Variants in CSNK1G3 observed in about 807,000 individuals in gnomAD.
CSNK1G3 encodes casein kinase 1 gamma 3, also known as casein kinase I isoform gamma-3.
A neutral mutation model predicts 64.3 loss-of-function variants in CSNK1G3; 23 were observed. The observed-to-expected ratio is 0.36, with a 90% confidence interval of 0.26 to 0.51. The LOEUF (loss-of-function observed/expected upper bound fraction) is 0.51, where lower values mean the gene tolerates loss of function less well. CSNK1G3 is among the 20% of genes least tolerant of loss of function. The pLI is 0.96. For synonymous variants in CSNK1G3, 158 were observed against 162.2 expected (o/e 0.97, Z 0.20); for missense variants, 357 against 510.5 (o/e 0.70, Z 2.90).
intron 4 of CSNK1G3, among the ~76,000 whole-genome samples, chr5:123,570,844 A>G (rs537462755): frequency 9.8e-5 from 15 of 152,342 alleles, no homozygotes; most frequent in Admixed American, 3.3e-4. Context: ...GAGAGGGGGA[A>G]AAAGCATTAT....
In CSNK1G3 at chr5:123,597,004, ATAAAT is replaced by A. The variant is rs1039858797; in HGVS notation, c.1086+5595_1086+5599del. ...CTTGTGTAATTGGACTAATGAAATT[ATAAAT>A]TAAAACGTAATAAGAGCAAAGAAAA... On this transcript the variant is annotated intron_variant, in intron 10 of 12. Coordinates refer to ENST00000345990, the Ensembl canonical transcript of CSNK1G3. Among the ~76,000 whole-genome samples, 237 of 148,444 alleles carry A rather than the reference ATAAAT, an allele frequency of 1.6e-3. 2 individuals carry two copies. Among genetic ancestry groups the A allele is most frequent in the African/African-American group, 5.8e-3 (231 of 39,840 alleles).
chr5:123,570,656 G>A (rs1324572377), intron 4 of CSNK1G3, among the ~76,000 whole-genome samples: 4 of 152,018 alleles, frequency 2.6e-5, no homozygotes, highest in Admixed American at 6.6e-5. Context: ...GCGCCCAGCC[G>A]ACAGTCCTTT....
Position 123,594,908 on chromosome 5 carries a change from C to G in CSNK1G3, c.1086+3494C>G, listed in dbSNP as rs1014309310. 1.7e-5 allele frequency: 11 copies of G among 649,448 alleles called. No individual in the cohort carries two copies. The African/African-American group carries it at 2.1e-4, about 12-fold the overall frequency. 40.2% of individuals were successfully genotyped at this position (649,448 alleles called of 1,614,324 possible). On this transcript the variant is annotated intron_variant, in intron 10 of 12. Coordinates refer to ENST00000345990, the Ensembl canonical transcript of CSNK1G3. ...ATTCTGTATACAAAGATAACTGCACCATGATTCAGAATAGTAAGGGTATTT... is the reference window on the plus strand; with the variant it reads ...ATTCTGTATACAAAGATAACTGCACGATGATTCAGAATAGTAAGGGTATTT...
chr5:123,538,666 C>G (rs561263727), intron 1 of CSNK1G3, among the ~76,000 whole-genome samples: 1 of 152,046 alleles, frequency 6.6e-6, no homozygotes, highest in African/African-American at 2.4e-5. Context: ...ACCACCATGG[C>G]GCATGTATAC....
intron 10 of CSNK1G3, among the ~76,000 whole-genome samples, chr5:123,593,730 C>T (rs1792878645): frequency 6.6e-6 from 1 of 152,044 alleles, no homozygotes; most frequent in Admixed American, 6.6e-5. Flanking sequence ...ATAGAACTGT[C>T]ATAGTTTTGA....
chr5:123,552,326 A>T (rs1297192748), intron 2 of CSNK1G3, among the ~76,000 whole-genome samples: 1 of 151,886 alleles, frequency 6.6e-6, no homozygotes, highest in African/African-American at 2.4e-5. Flanking sequence ...TTGTATTTTT[A>T]GTAGAGACAG....
At chr5:123,590,030 T>A (rs915220790) in intron 8 of CSNK1G3, among the ~76,000 whole-genome samples, 4 of 152,090 alleles carry the variant, frequency 2.6e-5, no homozygotes, top group Non-Finnish European at 4.4e-5. Flanking sequence ...TCACCGGTAT[T>A]TTAAATAAAA....
Position 123,524,697 on chromosome 5 carries a change from G to A in CSNK1G3, c.-248+12127G>A, listed in dbSNP as rs545867148. 2.6e-5 allele frequency among the ~76,000 whole-genome samples: 4 copies of A among 152,068 alleles called. No homozygotes were observed. In the East Asian group the frequency reaches 7.7e-4, roughly 29 times the overall value. ...GAAAAACTTATAGTTATCGTATTCT[G>A]TATCAGAAAAATTTTCTGCCTGCCA... On this transcript the variant is annotated intron_variant, in intron 1 of 12. Coordinates refer to ENST00000345990, the Ensembl canonical transcript of CSNK1G3.
intron 3 of CSNK1G3, among the ~76,000 whole-genome samples, chr5:123,557,014 G>A (rs1188261846): frequency 6.6e-6 from 1 of 152,014 alleles, no homozygotes; most frequent in Non-Finnish European, 1.5e-5. Flanking sequence ...TATGAACTGT[G>A]TGTTTTATTG....
rs978004280 is a variant in CSNK1G3, at chr5:123,588,244, A to C, written c.759+91A>C. ...AACTAAACAGTTTTCATATTTTAAA[A>C]TTTTATTTTGTAAGTAGGCATCAGG... is the stretch of plus-strand genomic sequence containing the variant. On this transcript the variant is annotated intron_variant, in intron 7 of 12. Coordinates refer to ENST00000345990, the Ensembl canonical transcript of CSNK1G3. 45 of 1,190,740 alleles carry C rather than the reference A, an allele frequency of 3.8e-5. No individual in the cohort carries two copies. In the Admixed American group the frequency reaches 8.5e-4, roughly 22 times the overall value. The allele number at this position is 1,190,740 out of a possible 1,614,324, so 73.8% of individuals were successfully genotyped here.
intron 10 of CSNK1G3, among the ~76,000 whole-genome samples, chr5:123,601,894 C>G (rs1794565342): frequency 6.6e-6 from 1 of 152,112 alleles, no homozygotes; most frequent in Non-Finnish European, 1.5e-5. Flanking sequence ...GCACTCTGTT[C>G]AAGGTAGTGG....
chr5:123,587,263 A>G (rs6876073), intron 6 of CSNK1G3, among the ~76,000 whole-genome samples: 86,004 of 152,102 alleles, frequency 0.57, 24,815 homozygotes, highest in Middle Eastern at 0.67. Flanking sequence ...TGGATAAAAC[A>G]TCTTGCACAT....
chr5:123,532,208 T>A (rs1249690449), intron 1 of CSNK1G3, among the ~76,000 whole-genome samples: 13 of 151,896 alleles, frequency 8.6e-5, no homozygotes, highest in Admixed American at 7.9e-4. Flanking sequence ...CTGACTACTA[T>A]AAAGTGCAAA....
At chr5:123,612,865 C>T (rs953197289) in intron 12 of CSNK1G3, among the ~76,000 whole-genome samples, 10 of 152,012 alleles carry the variant, frequency 6.6e-5, no homozygotes, top group Non-Finnish European at 1.2e-4. Flanking sequence ...TGGCAGCTCT[C>T]GATGATGAAA....
intron 10 of CSNK1G3, among the ~76,000 whole-genome samples, chr5:123,599,277 A>C (rs906681724): frequency 3.3e-5 from 5 of 152,196 alleles, no homozygotes; most frequent in African/African-American, 9.7e-5. Flanking sequence ...GAAATCTCTT[A>C]TAGTTGTACA....
rs76472314 is a variant in CSNK1G3, at chr5:123,514,794, G to C, written c.-248+2224G>C. Among the ~76,000 whole-genome samples the C allele has an allele frequency of 3.3e-3, 509 of 152,126 alleles. 11 individuals are homozygous for C. The East Asian group carries it at 0.079, about 24-fold the overall frequency. ...ATTGTGTTATAGGGCTTGTTGAACTGGACATAAGGCTGTTTTGCCAGGAGG... is the reference window on the plus strand; with the variant it reads ...ATTGTGTTATAGGGCTTGTTGAACTCGACATAAGGCTGTTTTGCCAGGAGG... On this transcript the variant is annotated intron_variant, in intron 1 of 12. Coordinates refer to ENST00000345990, the Ensembl canonical transcript of CSNK1G3.
intron 4 of CSNK1G3, 124 bp from the exon 5 acceptor site, chr5:123,573,269 C>G (rs960247100): frequency 9.1e-6 from 9 of 994,268 alleles, no homozygotes; most frequent in Non-Finnish European, 1.4e-5. Context: ...AAGTATGTAT[C>G]TGGAAAAAGT....
intron 6 of CSNK1G3, among the ~76,000 whole-genome samples, chr5:123,583,703 A>AG (rs1790787705): frequency 6.6e-6 from 1 of 151,294 alleles, no homozygotes. Context: ...TTGTAGAGAC[A>AG]GGGTCTTGCT....
chr5:123,586,533 C>T (rs996335695), intron 6 of CSNK1G3, among the ~76,000 whole-genome samples: 24 of 152,216 alleles, frequency 1.6e-4, no homozygotes, highest in African/African-American at 3.9e-4. Context: ...CATATACTTA[C>T]ATTTTATAAT....
Sources: gnomAD v4.1 joint callset for allele counts (sites outside exome capture counted in the v4.1 genomes callset) on GRCh38, gnomAD v4.1.1 for gene constraint, MANE v1.5 for transcripts, NCBI Gene and HGNC (gene_info 2026-07-23, HGNC 2026-07-21) for gene names.